DAZAP1: variants seen among roughly 807,000 people sequenced by gnomAD.
DAZAP1 encodes the protein DAZ associated protein 1.
A neutral mutation model predicts 60.1 loss-of-function variants in DAZAP1; 6 were observed. The observed-to-expected ratio is 0.10, with a 90% CI of 0.05 to 0.20. The LOEUF (loss-of-function observed/expected upper bound fraction) is 0.20. Ranked by LOEUF, DAZAP1 falls within the 10% of genes least tolerant of loss-of-function variation. The probability of loss-of-function intolerance (pLI) is 1.00; values close to 1 mark genes in which losing one functional copy is unlikely to be tolerated. For missense variants in DAZAP1, 366 were observed against 560.4 expected, an observed-to-expected ratio of 0.65 and a Z score of 3.50; for synonymous variants, 235 against 215.9, an observed-to-expected ratio of 1.09 and a Z score of -0.78.
At position 1,418,216 on chromosome 19, in the gene DAZAP1, G is replaced by A. The variant is rs752719171; in HGVS notation, c.83G>A (p.Ser28Asn). The A allele has an allele frequency of 3.7e-6, 6 of 1,614,132 alleles. No individual in the cohort carries two copies. In the Admixed American group the frequency reaches 1.0e-4, roughly 27 times the overall value. Residue 28 changes from serine to asparagine, a missense_variant, in exon 3 of 12, where the codon AGC becomes AAC. By Grantham distance (46) the Ser-to-Asn change is conservative (BLOSUM62 1). Around this residue, in one of 3 missense-constraint regions of DAZAP1, gnomAD observed 98 missense variants for 155.3 expected, o/e 0.63. Coordinates refer to ENST00000233078, the MANE Select transcript of DAZAP1 (RefSeq NM_018959.4). This position sits in a 1 kb window ranked among gnomAD's most constrained non-coding sequence, Gnocchi z 5.7. ...DWSTTQETLR[S>N]YFSQYGEVVD... is the part of the protein sequence containing the mutation. Reference sequence around the variant, plus strand: ...GATTTCTGAGCAGAGACTCTGCGCAGCTACTTTTCCCAATATGGAGAAGTC... The same window carrying A: ...GATTTCTGAGCAGAGACTCTGCGCAACTACTTTTCCCAATATGGAGAAGTC...
rs1001818098 is a variant in DAZAP1 at position 1,433,359 on chromosome 19, C to T, written c.1048+669C>T. 3.0e-5 allele frequency: 8 copies of T among 266,616 alleles called. No individual in the cohort carries two copies. Among genetic ancestry groups the T allele is most frequent in the Admixed American group, 2.5e-4 (5 of 20,284 alleles). 16.5% of individuals were successfully genotyped at this position (266,616 alleles called of 1,614,324 possible). On this transcript the variant is annotated intron_variant, in intron 11 of 11. Coordinates refer to ENST00000233078, the MANE Select transcript of DAZAP1 (RefSeq NM_018959.4). This position sits in a 1 kb window ranked among gnomAD's most constrained non-coding sequence, Gnocchi z 6.1. ...GCCTCAGTGGGCAGGGCTCCAACTA[C>T]GGTCAGCTCCTCCAGCACCAGGGGT...
chr19:1,429,553 C>T (rs1044329733), intron 8 of DAZAP1, among the ~76,000 whole-genome samples: 1 of 152,186 alleles, frequency 6.6e-6, no homozygotes, highest in Non-Finnish European at 1.5e-5. Context: ...CGTCCGGGTC[C>T]CGAGACTGTG....
chr19:1,424,359 T>TCCCCCC (rs1264501120), intron 6 of DAZAP1, among the ~76,000 whole-genome samples: 2 of 21,596 alleles, frequency 9.3e-5, no homozygotes, highest in African/African-American at 1.7e-4. Context: ...CCCCTCCCCC[T>TCCCCCC]CCCCCCTCCC....
In DAZAP1 at chr19:1,434,430, A is replaced by C. The variant is rs544840235; in HGVS notation, c.1049-307A>C. ...TGTCTCCAAGCCCCGAGGCTTCTCT[A>C]CCTCCCCTCACCCCCCCAACCACGT... On this transcript the variant is annotated intron_variant, in intron 11 of 11. Coordinates refer to ENST00000233078, the MANE Select transcript of DAZAP1 (RefSeq NM_018959.4). The surrounding 1 kb of genome is among the most constrained non-coding windows in gnomAD (Gnocchi z 8.0). 1.2e-5 allele frequency: 4 copies of C among 332,136 alleles called. No individual in the cohort carries two copies. The highest frequency in any genetic ancestry group is 1.7e-5 in the Non-Finnish European group (3 of 179,088). 20.6% of individuals were successfully genotyped at this position (332,136 alleles called of 1,614,324 possible).
intron 6 of DAZAP1, among the ~76,000 whole-genome samples, chr19:1,424,973 G>A (rs759980416): frequency 6.6e-5 from 10 of 152,202 alleles, no homozygotes; most frequent in Non-Finnish European, 1.0e-4. Flanking sequence ...GCCGGGGGCC[G>A]CGCCCACCCC....
Position 1,433,538 on chromosome 19 carries a change from C to A in DAZAP1, c.1048+848C>A, listed in dbSNP as rs575281342. 3.0e-4 allele frequency: 166 copies of A among 558,758 alleles called. 2 individuals are homozygous for A. In the Middle Eastern group the frequency reaches 3.9e-3, roughly 13 times the overall value. The allele number at this position is 558,758 out of a possible 1,614,324, so 34.6% of individuals were successfully genotyped here. A position where few individuals can be genotyped will look rare whatever the true frequency, so the allele number is the denominator to read the frequency against. Reference sequence around the variant, plus strand: ...GTGCCCGCCCACCCACCTCGCATGGCTGTGGTTCCCCTGCCCCCACGCCCA... The same window carrying A: ...GTGCCCGCCCACCCACCTCGCATGGATGTGGTTCCCCTGCCCCCACGCCCA... On this transcript the variant is annotated intron_variant, in intron 11 of 11. Coordinates refer to ENST00000233078, the MANE Select transcript of DAZAP1 (RefSeq NM_018959.4). This position sits in a 1 kb window ranked among gnomAD's most constrained non-coding sequence, Gnocchi z 6.1.
At chr19:1,424,520 A>G (rs953651415) in intron 6 of DAZAP1, among the ~76,000 whole-genome samples, 5 of 150,038 alleles carry the variant, frequency 3.3e-5, no homozygotes, top group African/African-American at 9.9e-5. Flanking sequence ...CCCCGCCCCC[A>G]GTTTTGCTTG....
At chr19:1,409,411 C>G (rs1167986749) in intron 1 of DAZAP1, among the ~76,000 whole-genome samples, 1 of 152,188 alleles carries the variant, frequency 6.6e-6, no homozygotes, top group Non-Finnish European at 1.5e-5. Flanking sequence ...CATGGACACC[C>G]TTGGGAAGTG....
rs1396992357 is a variant in DAZAP1, at chr19:1,416,631, T to G, written c.30-869T>G. 1 of 151,988 alleles carries G rather than the reference T, an allele frequency of 6.6e-6. No individual in the cohort carries two copies. Among genetic ancestry groups the G allele is most frequent in the Non-Finnish European group, 1.5e-5 (1 of 68,066 alleles). 9.4% of individuals were successfully genotyped at this position (151,988 alleles called of 1,614,324 possible). ...AAGGTGGCACAGTCCCCATTGGGAGTTGGCACAGTCCCCATTGGGAGTTGG... is the reference window on the plus strand; with the variant it reads ...AAGGTGGCACAGTCCCCATTGGGAGGTGGCACAGTCCCCATTGGGAGTTGG... On this transcript the variant is annotated intron_variant, in intron 1 of 11. Coordinates refer to ENST00000233078, the MANE Select transcript of DAZAP1 (RefSeq NM_018959.4). The surrounding 1 kb of genome is among the most constrained non-coding windows in gnomAD (Gnocchi z 4.3).
chr19:1,428,762 A>C lies in DAZAP1; in HGVS notation c.547-80A>C, dbSNP rs2083366109. ...TTGTAAGATGCTAAGTGTAGTCATA[A>C]GTTACCCGAGGGTGTGTCTAAAGGG... is the stretch of plus-strand genomic sequence containing the variant. On this transcript the variant is annotated intron_variant, in intron 7 of 11. Coordinates refer to ENST00000233078, the MANE Select transcript of DAZAP1 (RefSeq NM_018959.4). The surrounding 1 kb of genome is among the most constrained non-coding windows in gnomAD (Gnocchi z 4.0). 3.9e-6 allele frequency: 6 copies of C among 1,546,030 alleles called. No individual in the cohort carries two copies. The Admixed American group carries it at 1.1e-4, about 28-fold the overall frequency.
rs2083218814 is a variant in DAZAP1, at chr19:1,423,500, A to G, written c.463+1104A>G. Reference sequence around the variant, plus strand: ...TCAGAGGAGGGAGCGGCTTTGCTCCAGTGGGGTGTAAACGAAGTTTCAGGT... The same window carrying G: ...TCAGAGGAGGGAGCGGCTTTGCTCCGGTGGGGTGTAAACGAAGTTTCAGGT... On this transcript the variant is annotated intron_variant, in intron 6 of 11. Coordinates refer to ENST00000233078, the MANE Select transcript of DAZAP1 (RefSeq NM_018959.4). This position sits in a 1 kb window ranked among gnomAD's most constrained non-coding sequence, Gnocchi z 6.8. Among the ~76,000 whole-genome samples, 1 of 152,200 alleles carries G rather than the reference A, an allele frequency of 6.6e-6. No individual in the cohort carries two copies. The highest frequency in any genetic ancestry group is 2.4e-5 in the African/African-American group (1 of 41,450).
chr19:1,423,810 G>C lies in DAZAP1; in HGVS notation c.463+1414G>C, dbSNP rs1011667629. On this transcript the variant is annotated intron_variant, in intron 6 of 11. Transcript: ENST00000233078. The surrounding 1 kb of genome is among the most constrained non-coding windows in gnomAD (Gnocchi z 6.8). ...CTCCCGGTCCCCCTCCGGCTGCCCA[G>C]AGCTGGCGCCCCTTCTCCTCGCGTC... is the stretch of plus-strand genomic sequence containing the variant. Among the ~76,000 whole-genome samples, 6 of 152,132 alleles carry C rather than the reference G, an allele frequency of 3.9e-5. No individual in the cohort carries two copies. The highest frequency in any genetic ancestry group is 1.4e-4 in the African/African-American group (6 of 41,440).
At chr19:1,413,988 ACTGT>A (rs2082901261) in intron 1 of DAZAP1, among the ~76,000 whole-genome samples, 1 of 95,840 alleles carries the variant, frequency 1.0e-5, no homozygotes, top group Admixed American at 1.0e-4. Flanking sequence ...CCCCCAGTGA[ACTGT>A]GTGTGTGTGT....
At chr19:1,417,847 T>C (rs182529957) in intron 2 of DAZAP1, among the ~76,000 whole-genome samples, 55 of 152,254 alleles carry the variant, frequency 3.6e-4, no homozygotes, top group African/African-American at 1.3e-3. Context: ...AGGCTGTTAC[T>C]GAGTTCAGAA....
intron 1 of DAZAP1, 166 bp from the exon 2 acceptor site, chr19:1,417,334 C>A: frequency 1.3e-6 from 1 of 748,112 alleles, no homozygotes; most frequent in Non-Finnish European, 2.3e-6. Context: ...ACAGCATGGG[C>A]GAGGCTGACT....
At chr19:1,424,303 GTCCCTCCTCCTC>G (rs2083245316) in intron 6 of DAZAP1, among the ~76,000 whole-genome samples, 1 of 143,524 alleles carries the variant, frequency 7.0e-6, no homozygotes, top group African/African-American at 2.6e-5. Flanking sequence ...TGCCTTCCTG[GTCCCTCCTCCTC>G]TTCCTCCTCC....
At chr19:1,411,851 G>A (rs527687753) in intron 1 of DAZAP1, among the ~76,000 whole-genome samples, 1 of 152,356 alleles carries the variant, frequency 6.6e-6, no homozygotes, top group African/African-American at 2.4e-5. Context: ...TGTTCATGGT[G>A]CGACCCGTCA....
At position 1,432,172 on chromosome 19, in the gene DAZAP1, G is replaced by T. The variant is rs990108666; in HGVS notation, c.872-342G>T. 1.1e-5 allele frequency: 4 copies of T among 352,044 alleles called. No individual in the cohort carries two copies. The highest frequency in any genetic ancestry group is 8.7e-5 in the African/African-American group (4 of 46,156). 21.8% of individuals were successfully genotyped at this position (352,044 alleles called of 1,614,324 possible). On this transcript the variant is annotated intron_variant, in intron 10 of 11. Transcript: ENST00000233078. This position sits in a 1 kb window ranked among gnomAD's most constrained non-coding sequence, Gnocchi z 4.9. ...CCTAAACATGGGGACTGGGCATGGTGGCAGGTTTTTGTCCTTCTGAAAGAG... is the reference window on the plus strand; with the variant it reads ...CCTAAACATGGGGACTGGGCATGGTTGCAGGTTTTTGTCCTTCTGAAAGAG...
At position 1,433,902 on chromosome 19, in the gene DAZAP1, C is replaced by A; in HGVS notation, c.1049-835C>A. On this transcript the variant is annotated intron_variant, in intron 11 of 11. Coordinates refer to ENST00000233078, the MANE Select transcript of DAZAP1 (RefSeq NM_018959.4). The surrounding 1 kb of genome is among the most constrained non-coding windows in gnomAD (Gnocchi z 6.1). The stretch of plus-strand genomic sequence containing the variant: ...GGTGGACGTGGCTTCCTCTGCCGTC[C>A]CGGGCGGGGGTGGACGCTGGCGGTG... 7.2e-7 allele frequency: 1 copy of A among 1,395,218 alleles called. No homozygotes were observed. The allele number at this position is 1,395,218 out of a possible 1,614,324, so 86.4% of individuals were successfully genotyped here.
Sources: allele counts gnomAD v4.1 joint callset (sites outside exome capture counted in the v4.1 genomes callset), GRCh38; gene constraint gnomAD v4.1.1; regional missense constraint gnomAD v4.1.1; non-coding constraint Gnocchi (gnomAD v3.1); transcripts MANE v1.5; gene names NCBI Gene and HGNC (gene_info 2026-07-23, HGNC 2026-07-21).